NPIPA1: variants seen among roughly 807,000 people sequenced by gnomAD.
The protein encoded by NPIPA1 is nuclear pore complex interacting protein family member A1, also known as nuclear pore complex-interacting protein family member A1.
For synonymous variants in NPIPA1, 7 were observed against 88.0 expected, an observed-to-expected ratio of 0.08 and a Z score of 5.15; for missense variants, 22 against 232.2, an observed-to-expected ratio of 0.09 and a Z score of 5.88.
intron 1 of NPIPA1, among the ~76,000 whole-genome samples, chr16:14,940,717 A>G (rs1441277991): frequency 3.2e-5 from 4 of 126,442 alleles, no homozygotes; most frequent in Non-Finnish European, 6.4e-5. Context: ...AAACAAAAAT[A>G]AAAGATAAGA....
chr16:14,948,137 AGGG>A (rs1357861351), intron 4 of NPIPA1, among the ~76,000 whole-genome samples: 4 of 151,898 alleles, frequency 2.6e-5, no homozygotes, highest in African/African-American at 9.7e-5. Context: ...AAGTGGTGTG[AGGG>A]CAACACAGCA....
At chr16:14,947,954 T>G (rs2151084725) in intron 4 of NPIPA1, among the ~76,000 whole-genome samples, 1 of 152,352 alleles carries the variant, frequency 6.6e-6, no homozygotes, top group East Asian at 1.9e-4. Context: ...CACACCTTGT[T>G]TGAGGCCACT....
At chr16:14,943,746 T>G (rs1331158135) in intron 2 of NPIPA1, among the ~76,000 whole-genome samples, 1 of 152,034 alleles carries the variant, frequency 6.6e-6, no homozygotes, top group Non-Finnish European at 1.5e-5. Context: ...GTTGCTCTTT[T>G]CATCTTTTTA....
chr16:14,943,058 T>C (rs1965789942), intron 2 of NPIPA1, among the ~76,000 whole-genome samples: 2 of 152,272 alleles, frequency 1.3e-5, no homozygotes, highest in African/African-American at 4.8e-5. Context: ...AGAAAATATA[T>C]GAGTTATGAA....
At chr16:14,940,472 G>T (rs1965723470) in intron 1 of NPIPA1, among the ~76,000 whole-genome samples, 1 of 151,100 alleles carries the variant, frequency 6.6e-6, no homozygotes, top group Non-Finnish European at 1.5e-5. Context: ...ACTTTGGGAG[G>T]CCGAGGCAGG....
At chr16:14,938,661 C>T (rs1272188284) in intron 1 of NPIPA1, among the ~76,000 whole-genome samples, 4 of 144,156 alleles carry the variant, frequency 2.8e-5, no homozygotes, top group East Asian at 2.3e-4. Flanking sequence ...GAGATGGCCC[C>T]GCTGCACTCT....
At chr16:14,945,175 T>C (rs1965852505) in intron 2 of NPIPA1, among the ~76,000 whole-genome samples, 1 of 151,050 alleles carries the variant, frequency 6.6e-6, no homozygotes, top group Non-Finnish European at 1.5e-5. Flanking sequence ...CCTCCCAAAG[T>C]GCTGGGATTA....
At chr16:14,948,086 C>A (rs1276973796) in intron 4 of NPIPA1, among the ~76,000 whole-genome samples, 1 of 152,220 alleles carries the variant, frequency 6.6e-6, no homozygotes, top group African/African-American at 2.4e-5. Context: ...TCCTATAAAA[C>A]CAAGTATCAG....
At chr16:14,948,340 T>C (rs1220897034) in intron 4 of NPIPA1, among the ~76,000 whole-genome samples, 3 of 152,232 alleles carry the variant, frequency 2.0e-5, no homozygotes, top group Non-Finnish European at 4.4e-5. Flanking sequence ...GATTGCCTTT[T>C]CAGGATCTTT....
intron 4 of NPIPA1, among the ~76,000 whole-genome samples, chr16:14,948,287 C>T (rs1345230694): frequency 1.3e-5 from 2 of 152,252 alleles, no homozygotes; most frequent in Admixed American, 1.3e-4. Flanking sequence ...GACTTAGGAG[C>T]CATTCCGATC....
At chr16:14,940,225 ATACT>A (rs1321981758) in intron 1 of NPIPA1, among the ~76,000 whole-genome samples, 1 of 99,616 alleles carries the variant, frequency 1.0e-5, no homozygotes. Context: ...CTAAAATTCG[ATACT>A]TATTTGTGAA....
intron 1 of NPIPA1, among the ~76,000 whole-genome samples, chr16:14,940,446 C>T (rs1470964178): frequency 6.6e-6 from 1 of 151,838 alleles, no homozygotes; most frequent in East Asian, 2.0e-4. Context: ...CAGTGGCTCA[C>T]ACCTGTATTG....
intron 4 of NPIPA1, among the ~76,000 whole-genome samples, chr16:14,947,225 G>A (rs1376026669): frequency 6.6e-6 from 1 of 152,254 alleles, no homozygotes. Flanking sequence ...TTTGTTAAAT[G>A]TGAGATACTT....
intron 1 of NPIPA1, among the ~76,000 whole-genome samples, chr16:14,940,186 G>GC (rs1965714197): frequency 9.1e-6 from 1 of 109,710 alleles, no homozygotes; most frequent in Non-Finnish European, 1.8e-5. Flanking sequence ...GAGCCACCAC[G>GC]CCCAGCCCAC....
intron 2 of NPIPA1, among the ~76,000 whole-genome samples, chr16:14,944,957 G>A (rs1184766166): frequency 7.2e-6 from 1 of 139,424 alleles, no homozygotes; most frequent in Non-Finnish European, 1.5e-5. Context: ...TGTTGCCCAT[G>A]TTGGAGTGCA....
intron 4 of NPIPA1, among the ~76,000 whole-genome samples, chr16:14,946,420 C>T (rs1288433461): frequency 1.3e-5 from 2 of 149,740 alleles, no homozygotes; most frequent in African/African-American, 4.9e-5. Flanking sequence ...TGGGGTTTCA[C>T]CATGTTGTCC....
intron 4 of NPIPA1, among the ~76,000 whole-genome samples, chr16:14,946,555 C>G (rs1455931836): frequency 1.4e-5 from 2 of 146,752 alleles, no homozygotes; most frequent in African/African-American, 5.0e-5. Flanking sequence ...GATAGAGTCT[C>G]GCTCTGTCGC....
chr16:14,945,269 A>AGT (rs1174323486), intron 2 of NPIPA1, among the ~76,000 whole-genome samples: 3 of 134,766 alleles, frequency 2.2e-5, no homozygotes, highest in Admixed American at 2.2e-4. Context: ...TGTGTGTGTG[A>AGT]GACAGAGTCT....
chr16:14,943,243 A>G (rs1356021291), intron 2 of NPIPA1, among the ~76,000 whole-genome samples: 1 of 146,626 alleles, frequency 6.8e-6, no homozygotes, highest in Admixed American at 7.0e-5. Context: ...TGCAACCTCC[A>G]CCTCCTGGCT....
Sources: allele counts gnomAD v4.1 joint callset (sites outside exome capture counted in the v4.1 genomes callset), GRCh38; gene constraint gnomAD v4.1.1; transcripts MANE v1.5; gene names NCBI Gene and HGNC (gene_info 2026-07-23, HGNC 2026-07-21).